SOAT1: variants seen among roughly 807,000 people sequenced by gnomAD.
SOAT1 encodes the protein acyl-coenzyme A:cholesterol acyltransferase 1.
A neutral mutation model predicts 69.5 loss-of-function variants in SOAT1; 55 were observed. The ratio of observed to expected loss-of-function variants is 0.79; its 90% confidence interval spans 0.64 to 0.99. SOAT1 has a LOEUF of 0.99. Ranked by LOEUF, SOAT1 falls within the 50% of genes least tolerant of loss-of-function variation. SOAT1 has a pLI of 0.00. For synonymous variants in SOAT1, 231 were observed against 224.7 expected, an observed-to-expected ratio of 1.03 and a Z score of -0.25; for missense variants, 580 against 669.3, an observed-to-expected ratio of 0.87 and a Z score of 1.47.
In SOAT1 at chr1:179,336,927, G is replaced by A. The variant is rs190833712; in HGVS notation, c.330-910G>A. ...GGAGAATCACTCAAACCCGGGGGAA[G>A]GAGGTTGCAGTGAGCTGAGATCACG... On this transcript the variant is annotated intron_variant, in intron 4 of 15. Transcript: ENST00000367619. Among the ~76,000 whole-genome samples, 346 of 151,708 alleles carry A rather than the reference G, an allele frequency of 2.3e-3. 2 individuals carry two copies. The highest frequency in any genetic ancestry group is 7.7e-3 in the African/African-American group (318 of 41,352).
chr1:179,331,893 G>C (rs1665988305), intron 3 of SOAT1, among the ~76,000 whole-genome samples: 2 of 152,136 alleles, frequency 1.3e-5, no homozygotes, highest in African/African-American at 4.8e-5. Context: ...TCTGTGCAAA[G>C]ACAGGCAGCA....
intron 12 of SOAT1, among the ~76,000 whole-genome samples, chr1:179,348,609 A>G (rs2125002054): frequency 6.6e-6 from 1 of 152,324 alleles, no homozygotes; most frequent in South Asian, 2.1e-4. Context: ...ATATAGTATG[A>G]GAATTCATGT....
At chr1:179,347,455 T>C in intron 11 of SOAT1, 145 bp from the exon 12 acceptor site, 2 of 545,694 alleles carry the variant, frequency 3.7e-6, no homozygotes, top group Non-Finnish European at 3.3e-6. Context: ...ACTCCAAAAG[T>C]ATATCATCTC....
intron 11 of SOAT1, among the ~76,000 whole-genome samples, chr1:179,347,052 G>T (rs1666555767): frequency 6.6e-6 from 1 of 151,908 alleles, no homozygotes; most frequent in African/African-American, 2.4e-5. Context: ...ATATATTTAG[G>T]CATTTCTTAA....
intron 3 of SOAT1, among the ~76,000 whole-genome samples, chr1:179,330,331 T>A (rs1417370349): frequency 6.6e-6 from 1 of 152,100 alleles, no homozygotes; most frequent in Non-Finnish European, 1.5e-5. Context: ...TCGCCAGAAT[T>A]CAAAGATCAG....
At position 179,337,849 on chromosome 1, in the gene SOAT1, A is replaced by G; in HGVS notation, c.342A>G (p.Ala114=). Residue 114 remains alanine, a synonymous_variant, in exon 5 of 16, where the codon GCA becomes GCG. Transcript: ENST00000367619. ...TTCCTCTTCTCAGGGATTTGAGAGC[A>G]CCTCCAGAACAAGGAAAGATTTTTA... is the stretch of plus-strand genomic sequence containing the variant. ...KNNHRAKDLR[A]PPEQGKIFIA... is the part of the protein sequence containing the mutation. 1 of 1,609,784 alleles carries G rather than the reference A, an allele frequency of 6.2e-7. No individual in the cohort carries two copies. Among genetic ancestry groups the G allele is most frequent in the Non-Finnish European group, 8.5e-7 (1 of 1,177,904 alleles).
chr1:179,341,252 A>G lies in SOAT1; in HGVS notation c.722A>G (p.Tyr241Cys). ...QIGVLGFGPT[Y>C]VVLAYTLPPA... Reference sequence around the variant, plus strand: ...GGAGTTCTAGGTTTTGGACCAACATATGTTGTGTTAGCATATACACTGCCA... The same window carrying G: ...GGAGTTCTAGGTTTTGGACCAACATGTGTTGTGTTAGCATATACACTGCCA... The change falls in exon 7 of 16, where the codon TAT becomes TGT. Residue 241 changes from tyrosine to cysteine, a missense_variant. Transcript: ENST00000367619. 1 of 1,614,070 alleles carries G rather than the reference A, an allele frequency of 6.2e-7. No individual in the cohort carries two copies. The highest frequency in any genetic ancestry group is 2.2e-5 in the East Asian group (1 of 44,878).
intron 3 of SOAT1, among the ~76,000 whole-genome samples, chr1:179,325,667 A>G (rs1003441276): frequency 2.0e-5 from 3 of 152,150 alleles, no homozygotes; most frequent in African/African-American, 7.2e-5. Context: ...CTCTGCTATC[A>G]TTCCTCTATT....
At chr1:179,311,120 C>T (rs1228221132) in intron 2 of SOAT1, among the ~76,000 whole-genome samples, 1 of 152,144 alleles carries the variant, frequency 6.6e-6, no homozygotes, top group Non-Finnish European at 1.5e-5. Context: ...AATCCATGCA[C>T]TTTGAGTAGC....
chr1:179,309,251 T>G (rs940070845), intron 2 of SOAT1, among the ~76,000 whole-genome samples: 1 of 152,110 alleles, frequency 6.6e-6, no homozygotes, highest in Non-Finnish European at 1.5e-5. Flanking sequence ...GCCTTGCTAA[T>G]TTTTGTATTT....
chr1:179,328,420 A>G (rs1665858936), intron 3 of SOAT1, among the ~76,000 whole-genome samples: 2 of 152,350 alleles, frequency 1.3e-5, no homozygotes, highest in South Asian at 4.1e-4. Flanking sequence ...AAGAGTTTAG[A>G]TACTTTAGAT....
chr1:179,327,441 C>T lies in SOAT1; in HGVS notation c.177+3946C>T, dbSNP rs139175814. 5.5e-4 allele frequency among the ~76,000 whole-genome samples: 83 copies of T among 152,206 alleles called. 1 individual carries two copies. In the East Asian group the frequency reaches 0.014, roughly 25 times the overall value. ...GTTTACGTCATAATTGTGTAGCTGA[C>T]GAAAACTTTTTCAGAATTCACTGCT... On this transcript the variant is annotated intron_variant, in intron 3 of 15. Transcript: ENST00000367619.
chr1:179,310,739 T>A (rs1665194516), intron 2 of SOAT1, among the ~76,000 whole-genome samples: 1 of 152,252 alleles, frequency 6.6e-6, no homozygotes, highest in South Asian at 2.1e-4. Context: ...GAGAGTTTTT[T>A]AGAAAACAAT....
intron 2 of SOAT1, among the ~76,000 whole-genome samples, chr1:179,313,393 G>T (rs376913583): frequency 1.4e-5 from 2 of 141,426 alleles, no homozygotes; most frequent in East Asian, 4.6e-4. Context: ...AAACACTATA[G>T]TTATGATATG....
chr1:179,312,609 A>G (rs1291455860), intron 2 of SOAT1, among the ~76,000 whole-genome samples: 1 of 152,206 alleles, frequency 6.6e-6, no homozygotes, highest in Non-Finnish European at 1.5e-5. Flanking sequence ...AACTGCAACA[A>G]TAGTCTCCAG....
At chr1:179,323,334 G>A (rs937277450) in intron 2 of SOAT1, 103 bp from the exon 3 acceptor site, 54 of 879,154 alleles carry the variant, frequency 6.1e-5, no homozygotes, top group Non-Finnish European at 9.4e-5. Context: ...CACAGTTTAC[G>A]CAGTTACCTT....
chr1:179,328,369 A>T (rs1459441257), intron 3 of SOAT1, among the ~76,000 whole-genome samples: 2 of 152,272 alleles, frequency 1.3e-5, no homozygotes, highest in African/African-American at 4.8e-5. Flanking sequence ...TTAGGAGAAG[A>T]TGAACATTCA....
intron 2 of SOAT1, among the ~76,000 whole-genome samples, chr1:179,315,663 G>T (rs1665365412): frequency 6.6e-6 from 1 of 152,162 alleles, no homozygotes; most frequent in African/African-American, 2.4e-5. Flanking sequence ...GTCATTTTCA[G>T]TGGGGTCTTC....
chr1:179,330,183 AG>A (rs1310474534), intron 3 of SOAT1, among the ~76,000 whole-genome samples: 1 of 152,178 alleles, frequency 6.6e-6, no homozygotes, highest in African/African-American at 2.4e-5. Flanking sequence ...GTTGGCAGGC[AG>A]GGGACCTAGG....
Sources: allele counts gnomAD v4.1 joint callset (sites outside exome capture counted in the v4.1 genomes callset), GRCh38; gene constraint gnomAD v4.1.1; transcripts MANE v1.5; gene names NCBI Gene and HGNC (gene_info 2026-07-23, HGNC 2026-07-21).